DNMBP: variants seen among roughly 807,000 people sequenced by gnomAD.
DNMBP encodes dynamin binding protein, also known as dynamin-binding protein.
In DNMBP, 87 loss-of-function variants were observed where a neutral mutation model predicts 150.0. The observed-to-expected ratio is 0.58, with a 90% CI of 0.49 to 0.69. The LOEUF (loss-of-function observed/expected upper bound fraction) is 0.69, where lower values mean the gene tolerates loss of function less well. Among genes scored for constraint, DNMBP ranks in the 30% least tolerant of loss-of-function variants. The pLI is 0.00. For missense variants in DNMBP, 1,774 were observed against 1,949.0 expected (o/e 0.91, Z 1.69); for synonymous variants, 711 against 750.4 (o/e 0.95, Z 0.86).
chr10:99,987,531 C>T (rs779893242), intron 1 of DNMBP, among the ~76,000 whole-genome samples: 5 of 151,926 alleles, frequency 3.3e-5, no homozygotes, highest in Non-Finnish European at 7.4e-5. Context: ...GTCAGGAGTT[C>T]GAGACCAACA....
At chr10:99,930,231 TAC>T in intron 4 of DNMBP, 1 of 702,992 alleles carries the variant, frequency 1.4e-6, no homozygotes, top group Non-Finnish European at 2.6e-6. Flanking sequence ...ATGGTCTATA[TAC>T]CACAACTGAG....
chr10:99,885,126 TAAA>T (rs1165274884), intron 14 of DNMBP, among the ~76,000 whole-genome samples: 1 of 152,084 alleles, frequency 6.6e-6, no homozygotes, highest in African/African-American at 2.4e-5. Context: ...GAATACATCA[TAAA>T]AAATAGGCCT....
intron 3 of DNMBP, among the ~76,000 whole-genome samples, chr10:99,962,305 A>T (rs1238512862): frequency 3.9e-5 from 6 of 152,160 alleles, no homozygotes; most frequent in Non-Finnish European, 5.9e-5. Context: ...TTAACTTATG[A>T]TTCCCTATCC....
chr10:99,987,948 A>G (rs1393496911), intron 1 of DNMBP, among the ~76,000 whole-genome samples: 1 of 152,174 alleles, frequency 6.6e-6, no homozygotes, highest in Non-Finnish European at 1.5e-5. Context: ...TATGTCCTAG[A>G]GACTCCACAG....
At chr10:99,891,016 A>G (rs770777152) in intron 11 of DNMBP, among the ~76,000 whole-genome samples, 7 of 152,232 alleles carry the variant, frequency 4.6e-5, no homozygotes, top group Non-Finnish European at 4.4e-5. Context: ...CCACTGGGTA[A>G]CCAGCTGGAA....
At chr10:99,911,113 C>T (rs1425223030) in intron 4 of DNMBP, among the ~76,000 whole-genome samples, 1 of 152,118 alleles carries the variant, frequency 6.6e-6, no homozygotes, top group Non-Finnish European at 1.5e-5. Flanking sequence ...GACTGGCACA[C>T]ACCTATAGTC....
intron 4 of DNMBP, among the ~76,000 whole-genome samples, chr10:99,940,171 A>C (rs2040279095): frequency 6.6e-6 from 1 of 152,170 alleles, no homozygotes; most frequent in South Asian, 2.1e-4. Flanking sequence ...TAGGTATTTA[A>C]ATGTTTAATG....
chr10:99,932,248 TTAA>T (rs2040167719), intron 4 of DNMBP, among the ~76,000 whole-genome samples: 1 of 152,178 alleles, frequency 6.6e-6, no homozygotes, highest in African/African-American at 2.4e-5. Flanking sequence ...ATATGCTTTG[TTAA>T]TAATTACATG....
chr10:99,936,531 T>C (rs2040233835), intron 4 of DNMBP, among the ~76,000 whole-genome samples: 1 of 150,608 alleles, frequency 6.6e-6, no homozygotes, highest in East Asian at 1.9e-4. Context: ...TTTTTTTTTT[T>C]TGAGACACGG....
At position 99,990,492 on chromosome 10, in the gene DNMBP, C is replaced by T. The variant is rs2133376102; in HGVS notation, c.-10-18358G>A. On this transcript the variant is annotated intron_variant, in intron 1 of 16. Transcript: ENST00000324109. ...GCTTCCACCCAGGAGGCAGAGGTTG[C>T]AGTGAGCTGAGATACACCACTGCAC... Among the ~76,000 whole-genome samples, 3 of 150,796 alleles carry T rather than the reference C, an allele frequency of 2.0e-5. No homozygotes were observed. In the Admixed American group the frequency reaches 2.0e-4, roughly 10 times the overall value.
At chr10:99,966,820 G>A (rs2040623732) in intron 3 of DNMBP, among the ~76,000 whole-genome samples, 1 of 151,536 alleles carries the variant, frequency 6.6e-6, no homozygotes, top group Non-Finnish European at 1.5e-5. Flanking sequence ...TTGTTCTGTT[G>A]CCCAAGCTGG....
intron 1 of DNMBP, among the ~76,000 whole-genome samples, chr10:99,996,427 C>T (rs1378957599): frequency 6.6e-6 from 1 of 152,096 alleles, no homozygotes; most frequent in Non-Finnish European, 1.5e-5. Context: ...GGCTGAGACA[C>T]GAGGATCACT....
At chr10:99,911,251 A>G (rs949970971) in intron 4 of DNMBP, among the ~76,000 whole-genome samples, 4 of 152,054 alleles carry the variant, frequency 2.6e-5, no homozygotes, top group Non-Finnish European at 5.9e-5. Flanking sequence ...GCAGTGGCTC[A>G]CGCCTGTCAT....
At chr10:99,906,046 A>G (rs901127047) in intron 6 of DNMBP, among the ~76,000 whole-genome samples, 5 of 152,210 alleles carry the variant, frequency 3.3e-5, no homozygotes, top group African/African-American at 1.2e-4. Flanking sequence ...AGCTGGACCT[A>G]TCTTGTGAGG....
At chr10:99,946,650 C>G (rs528694406) in intron 4 of DNMBP, among the ~76,000 whole-genome samples, 1 of 152,274 alleles carries the variant, frequency 6.6e-6, no homozygotes, top group East Asian at 1.9e-4. Context: ...TCAAACTACA[C>G]AAATCCTTGA....
At chr10:99,964,611 C>T (rs998065042) in intron 3 of DNMBP, among the ~76,000 whole-genome samples, 1 of 151,636 alleles carries the variant, frequency 6.6e-6, no homozygotes, top group East Asian at 1.9e-4. Context: ...TGGCTCATGC[C>T]TGTAATCCCA....
In DNMBP at chr10:99,884,118, T is replaced by C. The variant is rs116046885; in HGVS notation, c.3890A>G (p.Asn1297Ser). The change falls in exon 15 of 17, where the codon AAT (asparagine) becomes AGT (serine). Residue 1297 changes from asparagine (N) to serine (S), a missense_variant. This residue lies in a region of DNMBP where 1,430 missense variants were observed against 1,492.5 expected (regional missense o/e 0.96). Transcript: ENST00000324109. ...TGAGACATCCAAGTCTTGAGCAGCATTGAAGTTCCGTTCTGCCTGGAAGAG... is the reference window on the plus strand; with the variant it reads ...TGAGACATCCAAGTCTTGAGCAGCACTGAAGTTCCGTTCTGCCTGGAAGAG... Reference protein sequence around the residue: ...EKLFQAERNFNAAQDLDVSLL... With the variant: ...EKLFQAERNFSAAQDLDVSLL... The C allele has an allele frequency of 1.3e-4, 212 of 1,614,128 alleles. No homozygotes were observed. The highest frequency in any genetic ancestry group is 5.0e-4 in the Middle Eastern group (3 of 6,060).
intron 4 of DNMBP, chr10:99,913,916 C>CT (rs765811400): frequency 3.5e-5 from 45 of 1,300,750 alleles, no homozygotes; most frequent in Middle Eastern, 4.0e-4. Flanking sequence ...GCCTGTTCCA[C>CT]TTCCTTCTGT....
chr10:99,975,687 C>G (rs1336731038), intron 1 of DNMBP, among the ~76,000 whole-genome samples: 4 of 152,180 alleles, frequency 2.6e-5, no homozygotes, highest in African/African-American at 9.6e-5. Context: ...GCAGAGGCAG[C>G]ATATATGAAT....
Sources: allele counts gnomAD v4.1 joint callset (sites outside exome capture counted in the v4.1 genomes callset), GRCh38; gene constraint gnomAD v4.1.1; regional missense constraint gnomAD v4.1.1; transcripts MANE v1.5; gene names NCBI Gene and HGNC (gene_info 2026-07-23, HGNC 2026-07-21).